CNGA1: variants seen among roughly 807,000 people sequenced by gnomAD.
CNGA1 encodes cyclic nucleotide gated channel subunit alpha 1.
In CNGA1, 53 loss-of-function variants were observed where a neutral mutation model predicts 69.7. The observed-to-expected ratio is 0.76, with a 90% CI of 0.61 to 0.96. The LOEUF is 0.96. Ranked by LOEUF, CNGA1 falls within the 40% of genes least tolerant of loss-of-function variation. The probability of loss-of-function intolerance (pLI) is 0.00; values close to 1 mark genes in which losing one functional copy is unlikely to be tolerated. For missense variants in CNGA1, 739 were observed against 811.2 expected, an observed-to-expected ratio of 0.91 and a Z score of 1.08; for synonymous variants, 249 against 283.5, an observed-to-expected ratio of 0.88 and a Z score of 1.22.
intron 3 of CNGA1, among the ~76,000 whole-genome samples, chr4:47,959,527 A>G (rs946209646): frequency 5.3e-5 from 8 of 152,236 alleles, no homozygotes; most frequent in African/African-American, 1.9e-4. Context: ...TAAAGCTTCT[A>G]GAATAAAACA....
At chr4:48,012,959 A>C (rs2109358697) in intron 1 of CNGA1, 1 of 152,230 alleles carries the variant, frequency 6.6e-6, no homozygotes, top group East Asian at 1.9e-4. Context: ...ACAAAACAAA[A>C]AAAAAAACAC....
intron 3 of CNGA1, among the ~76,000 whole-genome samples, chr4:47,978,482 G>A (rs191677655): frequency 3.9e-5 from 6 of 151,928 alleles, no homozygotes; most frequent in South Asian, 2.1e-4. Context: ...GTATTATACC[G>A]TCTAACTATT....
At chr4:47,993,424 T>C (rs940992335) in intron 2 of CNGA1, among the ~76,000 whole-genome samples, 20 of 152,156 alleles carry the variant, frequency 1.3e-4, no homozygotes, top group Non-Finnish European at 2.5e-4. Context: ...CAGGGTTCTG[T>C]CTTTCCAGGA....
At chr4:47,940,368 C>T (rs993964590) in intron 10 of CNGA1, among the ~76,000 whole-genome samples, 1 of 152,166 alleles carries the variant, frequency 6.6e-6, no homozygotes, top group Non-Finnish European at 1.5e-5. Flanking sequence ...CATTTTTCCT[C>T]CTTCTTATAA....
At chr4:47,963,682 A>C (rs1740580028) in intron 3 of CNGA1, among the ~76,000 whole-genome samples, 1 of 152,186 alleles carries the variant, frequency 6.6e-6, no homozygotes, top group Admixed American at 6.5e-5. Context: ...TATACTTTTG[A>C]GTTACAATGA....
At chr4:47,969,935 C>T (rs1740927058) in intron 3 of CNGA1, among the ~76,000 whole-genome samples, 1 of 152,020 alleles carries the variant, frequency 6.6e-6, no homozygotes, top group Non-Finnish European at 1.5e-5. Context: ...ATGATATATG[C>T]CTTCAAGAAA....
At chr4:48,011,968 G>A (rs1458221217) in intron 1 of CNGA1, among the ~76,000 whole-genome samples, 1 of 152,154 alleles carries the variant, frequency 6.6e-6, no homozygotes, top group African/African-American at 2.4e-5. Flanking sequence ...AGGATTGGGA[G>A]GATCTGGAAG....
At chr4:47,938,346 C>G (rs1179105545) in intron 10 of CNGA1, among the ~76,000 whole-genome samples, 1 of 150,618 alleles carries the variant, frequency 6.6e-6, no homozygotes, top group Non-Finnish European at 1.5e-5. Flanking sequence ...GTCCCTGGCA[C>G]AGAACTCTTA....
chr4:47,998,490 A>G (rs1714501636), intron 2 of CNGA1, among the ~76,000 whole-genome samples: 2 of 152,130 alleles, frequency 1.3e-5, no homozygotes, highest in African/African-American at 2.4e-5. Flanking sequence ...TAATGCTTAC[A>G]TGGACTTGGC....
chr4:47,997,174 C>G (rs1249516046), intron 2 of CNGA1, among the ~76,000 whole-genome samples: 4 of 152,156 alleles, frequency 2.6e-5, no homozygotes, highest in Non-Finnish European at 5.9e-5. Context: ...TTGCTTATTA[C>G]CCTTCCCCAA....
At chr4:47,958,852 A>T (rs761209668) in intron 3 of CNGA1, among the ~76,000 whole-genome samples, 1 of 152,360 alleles carries the variant, frequency 6.6e-6, no homozygotes, top group East Asian at 1.9e-4. Context: ...AGTGGAATCA[A>T]TTCTGCACTA....
chr4:47,950,450 G>A (rs554043531), intron 5 of CNGA1, among the ~76,000 whole-genome samples: 35 of 152,172 alleles, frequency 2.3e-4, no homozygotes, highest in Non-Finnish European at 4.1e-4. Flanking sequence ...AACCAGTCTC[G>A]GGTATTTCTT....
At chr4:47,955,173 C>CTTTTTTTTTTT (rs377338639) in intron 3 of CNGA1, among the ~76,000 whole-genome samples, 4 of 98,208 alleles carry the variant, frequency 4.1e-5, no homozygotes, top group South Asian at 3.4e-4. Flanking sequence ...TTTTTCTTTT[C>CTTTTTTTTTTT]TTTTTTTTTT....
At position 48,000,658 on chromosome 4, in the gene CNGA1, G is replaced by A. The variant is rs949467345; in HGVS notation, c.-123+10136C>T. On this transcript the variant is annotated intron_variant, in intron 2 of 10. Transcript: ENST00000514170. ...GCTGTGAACACAGGTGTGAGCCACCGTGCCCAGCAACAATAAGTGATTTTT... is the reference window on the plus strand; with the variant it reads ...GCTGTGAACACAGGTGTGAGCCACCATGCCCAGCAACAATAAGTGATTTTT... 7.9e-5 allele frequency among the ~76,000 whole-genome samples: 12 copies of A among 151,642 alleles called. No homozygotes were observed. The East Asian group carries it at 9.7e-4, about 12-fold the overall frequency.
intron 2 of CNGA1, among the ~76,000 whole-genome samples, chr4:47,987,972 T>C (rs542855096): frequency 2.6e-5 from 4 of 152,230 alleles, no homozygotes; most frequent in Non-Finnish European, 5.9e-5. Context: ...TTTAAAGAGT[T>C]AAGGTCTTAG....
chr4:47,988,852 T>C (rs1391026363), intron 2 of CNGA1, among the ~76,000 whole-genome samples: 5 of 151,878 alleles, frequency 3.3e-5, no homozygotes, highest in Non-Finnish European at 7.4e-5. Context: ...TCCCTAGGTA[T>C]ACGTGGTGAT....
At chr4:47,989,837 A>G (rs1476877903) in intron 2 of CNGA1, among the ~76,000 whole-genome samples, 1 of 151,516 alleles carries the variant, frequency 6.6e-6, no homozygotes, top group Non-Finnish European at 1.5e-5. Context: ...CCATTGTGTC[A>G]TTCTTATTGC....
chr4:47,953,270 T>A (rs1357986628), intron 3 of CNGA1, among the ~76,000 whole-genome samples: 2 of 152,216 alleles, frequency 1.3e-5, no homozygotes, highest in Non-Finnish European at 2.9e-5. Context: ...TGTAAAAAAA[T>A]TTTTAATTTA....
intron 3 of CNGA1, among the ~76,000 whole-genome samples, chr4:47,957,320 A>T (rs1740147654): frequency 6.6e-6 from 1 of 152,180 alleles, no homozygotes; most frequent in African/African-American, 2.4e-5. Flanking sequence ...TACTGAAGTG[A>T]GCAAAAATCA....
Sources: allele counts gnomAD v4.1 joint callset (sites outside exome capture counted in the v4.1 genomes callset), GRCh38; gene constraint gnomAD v4.1.1; transcripts MANE v1.5; gene names NCBI Gene and HGNC (gene_info 2026-07-23, HGNC 2026-07-21).